ORAI2: variants seen among roughly 807,000 people sequenced by gnomAD.
ORAI2 encodes the protein ORAI calcium release-activated calcium modulator 2.
A neutral mutation model predicts 16.2 loss-of-function variants in ORAI2; 10 were observed. The ratio of observed to expected loss-of-function variants is 0.62; its 90% confidence interval spans 0.38 to 1.04. The LOEUF is 1.04. ORAI2 is among the 50% of genes least tolerant of loss of function. The pLI, the probability that ORAI2 is intolerant of heterozygous loss-of-function variation, is 0.01. For synonymous variants in ORAI2, 150 were observed against 157.5 expected (o/e 0.95, Z 0.35); for missense variants, 238 against 355.5 (o/e 0.67, Z 2.66).
chr7:102,436,378 A>G (rs1668275627), intron 2 of ORAI2, 45 bp downstream of exon 2: 1 of 983,078 alleles, frequency 1.0e-6, no homozygotes, highest in Non-Finnish European at 1.2e-6. Flanking sequence ...CTGTTCCCAG[A>G]GGTCTTGTTG....
At chr7:102,438,206 G>C (rs757984555) in intron 2 of ORAI2, among the ~76,000 whole-genome samples, 1 of 151,218 alleles carries the variant, frequency 6.6e-6, no homozygotes, top group African/African-American at 2.4e-5. Context: ...AAATTAGCCA[G>C]CTATGGTGGC....
At chr7:102,442,642 G>A (rs148582810) in intron 3 of ORAI2, among the ~76,000 whole-genome samples, 71 of 151,934 alleles carry the variant, frequency 4.7e-4, no homozygotes, top group African/African-American at 1.6e-3. Flanking sequence ...AGCCAAGATC[G>A]CTCTACTGCA....
At position 102,439,163 on chromosome 7, in the gene ORAI2, C is replaced by T. The variant is rs1460782447; in HGVS notation, c.207C>T (p.Leu69=). The change falls in exon 3 of 4, where the codon CTC becomes CTT. Residue 69 remains leucine (L), a synonymous_variant. Transcript: ENST00000495936. ...AGGCCTCCAGCAGGACCTCCGCCCT[C>T]CTCTCCGGCTTTGCCATGGTGAGTG... ...KLKASSRTSA[L]LSGFAMVAMV... is the part of the protein sequence containing the mutation. The T allele has an allele frequency of 5.0e-6, 8 of 1,613,646 alleles. No homozygotes were observed. Among genetic ancestry groups the T allele is most frequent in the African/African-American group, 1.3e-5 (1 of 74,948 alleles).
chr7:102,441,584 A>T (rs1365013203), intron 3 of ORAI2, among the ~76,000 whole-genome samples: 2 of 147,552 alleles, frequency 1.4e-5, no homozygotes, highest in African/African-American at 2.5e-5. Flanking sequence ...GGCTCTTGCT[A>T]TGTTGCCCAG....
At chr7:102,443,694 T>G (rs758816936) in intron 3 of ORAI2, among the ~76,000 whole-genome samples, 9 of 151,900 alleles carry the variant, frequency 5.9e-5, no homozygotes, top group Non-Finnish European at 1.2e-4. Flanking sequence ...TCTGGTCCAC[T>G]AGGACTGCCA....
intron 3 of ORAI2, among the ~76,000 whole-genome samples, chr7:102,445,042 C>T (rs1259426174): frequency 1.6e-5 from 1 of 64,096 alleles, no homozygotes; most frequent in Non-Finnish European, 2.7e-5. Context: ...CTGCTGTAGC[C>T]TCCGACTACG....
chr7:102,454,631 G>C lies in ORAI2; in HGVS notation c.*7579G>C, dbSNP rs1797601812. 6.6e-6 allele frequency: 1 copy of C among 152,544 alleles called. No individual in the cohort carries two copies. The highest frequency in any genetic ancestry group is 6.5e-5 in the Admixed American group (1 of 15,290). The allele number at this position is 152,544 out of a possible 1,614,324, so 9.4% of individuals were successfully genotyped here. A position where few individuals can be genotyped will look rare whatever the true frequency, so the allele number is the denominator to read the frequency against. On this transcript the variant is annotated 3_prime_UTR_variant, in exon 4 of 4. Coordinates refer to ENST00000495936, the MANE Select transcript of ORAI2 (RefSeq NM_001126340.3). ...TTTCTGAAGCGGCTGAGGGATGTCA[G>C]CTGAGCCCCCGCTGGGCCTGCTCTG...
chr7:102,444,171 G>T (rs913810389), intron 3 of ORAI2, among the ~76,000 whole-genome samples: 1 of 152,064 alleles, frequency 6.6e-6, no homozygotes, highest in East Asian at 1.9e-4. Context: ...CCAGGCTGGG[G>T]TGCAGTGGTA....
intron 2 of ORAI2, among the ~76,000 whole-genome samples, chr7:102,438,698 AGGAGCT>A (rs1467079472): frequency 1.3e-5 from 2 of 152,154 alleles, no homozygotes; most frequent in African/African-American, 2.4e-5. Flanking sequence ...GCTTGAACCT[AGGAGCT>A]GGAGTTTCCA....
At chr7:102,444,251 TTTTA>T (rs1312249280) in intron 3 of ORAI2, among the ~76,000 whole-genome samples, 1 of 151,792 alleles carries the variant, frequency 6.6e-6, no homozygotes, top group South Asian at 2.1e-4. Flanking sequence ...TTTTATTTTA[TTTTA>T]TTTATTTATT....
Position 102,446,806 on chromosome 7 carries a change from C to T in ORAI2, c.519C>T (p.Phe173=). The change falls in exon 4 of 4, where the codon TTC becomes TTT. Residue 173 remains phenylalanine, a synonymous_variant. Transcript: ENST00000495936. ...AEVVLLCWIK[F]LPVDARRQPG... Reference sequence around the variant, plus strand: ...TGGTGCTGCTCTGCTGGATCAAGTTCCTCCCCGTGGATGCCCGGCGCCAGC... The same window carrying T: ...TGGTGCTGCTCTGCTGGATCAAGTTTCTCCCCGTGGATGCCCGGCGCCAGC... 2.5e-6 allele frequency: 4 copies of T among 1,614,108 alleles called. No homozygotes were observed. Among genetic ancestry groups the T allele is most frequent in the Non-Finnish European group, 3.4e-6 (4 of 1,180,026 alleles).
rs1796989405 is a variant in ORAI2, at chr7:102,433,870, G to A, written c.-123+209G>A. On this transcript the variant is annotated intron_variant, in intron 1 of 3. Transcript: ENST00000495936. The surrounding 1 kb of genome is among the most constrained non-coding windows in gnomAD (Gnocchi z 4.6). ...AGGATCAGGGTCGGCGGCGCAGCCG[G>A]TTCCGGACACCGGGGCGTCCCTGGG... is the stretch of plus-strand genomic sequence containing the variant. Among the ~76,000 whole-genome samples, 1 of 151,982 alleles carries A rather than the reference G, an allele frequency of 6.6e-6. No individual in the cohort carries two copies. Among genetic ancestry groups the A allele is most frequent in the African/African-American group, 2.4e-5 (1 of 41,392 alleles).
chr7:102,444,507 C>G (rs564206040), intron 3 of ORAI2, among the ~76,000 whole-genome samples: 1,769 of 132,818 alleles, frequency 0.013, 44 homozygotes, highest in African/African-American at 0.049. Context: ...CCCCCCCCCG[C>G]CCCCCACCCT....
At chr7:102,445,949 C>T (rs66526712) in intron 3 of ORAI2, among the ~76,000 whole-genome samples, 42,016 of 147,048 alleles carry the variant, frequency 0.29, 6,293 homozygotes, top group East Asian at 0.43. Context: ...CTTTAACTTT[C>T]GTGGCTTGTT....
chr7:102,433,858 G>A lies in ORAI2; in HGVS notation c.-123+197G>A, dbSNP rs1586705013. Among the ~76,000 whole-genome samples the A allele has an allele frequency of 1.3e-5, 2 of 152,114 alleles. No homozygotes were observed. The highest frequency in any genetic ancestry group is 3.4e-3 in the Middle Eastern group (1 of 294). Reference sequence around the variant, plus strand: ...TGCGGCGCCCAGAGGATCAGGGTCGGCGGCGCAGCCGGTTCCGGACACCGG... The same window carrying A: ...TGCGGCGCCCAGAGGATCAGGGTCGACGGCGCAGCCGGTTCCGGACACCGG... On this transcript the variant is annotated intron_variant, in intron 1 of 3. Transcript: ENST00000495936. This position sits in a 1 kb window ranked among gnomAD's most constrained non-coding sequence, Gnocchi z 4.6.
rs1051237844 is a variant in ORAI2 at position 102,455,430 on chromosome 7, G to A, written c.*8378G>A. 2 of 152,268 alleles carry A rather than the reference G, an allele frequency of 1.3e-5. No homozygotes were observed. Among genetic ancestry groups the A allele is most frequent in the Non-Finnish European group, 2.9e-5 (2 of 68,084 alleles). The allele number at this position is 152,268 out of a possible 1,614,324, so 9.4% of individuals were successfully genotyped here. On this transcript the variant is annotated 3_prime_UTR_variant, in exon 4 of 4. Transcript: ENST00000495936. Reference sequence around the variant, plus strand: ...AATGGAGTTTCCTAAAGTGTGCTCTGCAGGAGTGCTGGAAGGGCCAGCATG... The same window carrying A: ...AATGGAGTTTCCTAAAGTGTGCTCTACAGGAGTGCTGGAAGGGCCAGCATG...
chr7:102,439,036 G>C lies in ORAI2; in HGVS notation c.80G>C (p.Arg27Pro). 1.2e-6 allele frequency: 2 copies of C among 1,613,988 alleles called. No homozygotes were observed. Among genetic ancestry groups the C allele is most frequent in the Non-Finnish European group, 1.7e-6 (2 of 1,180,032 alleles). Residue 27 changes from arginine (R) to proline (P), a missense_variant, in exon 3 of 4, where the codon CGG becomes CCG. Physicochemically the swap from Arg to Pro is moderately radical, Grantham distance 103. This residue lies in a region of ORAI2 where 61 missense variants were observed against 72.7 expected (regional missense o/e 0.84). Coordinates refer to ENST00000495936, the MANE Select transcript of ORAI2 (RefSeq NM_001126340.3). The part of the protein sequence containing the change: ...PEPGHKGMDY[R>P]DWVRRSYLEL... ...CCCGGCCATAAGGGCATGGATTACCGGGACTGGGTCCGCCGCAGCTACCTG... is the reference window on the plus strand; with the variant it reads ...CCCGGCCATAAGGGCATGGATTACCCGGACTGGGTCCGCCGCAGCTACCTG...
intron 1 of ORAI2, among the ~76,000 whole-genome samples, chr7:102,435,001 G>A (rs1413300110): frequency 6.6e-6 from 1 of 152,198 alleles, no homozygotes; most frequent in East Asian, 1.9e-4. Flanking sequence ...CAGGCGCAGT[G>A]GTTCATGCCT....
rs921536822 is a variant in ORAI2, at chr7:102,447,170, T to C, written c.*118T>C. 9.0e-7 allele frequency: 1 copy of C among 1,107,484 alleles called. No individual in the cohort carries two copies. Among genetic ancestry groups the C allele is most frequent in the African/African-American group, 1.6e-5 (1 of 63,564 alleles). The allele number at this position is 1,107,484 out of a possible 1,614,324, so 68.6% of individuals were successfully genotyped here. ...GTAGTTCAAGACCAAAGTTTTCCTC[T>C]TGTCTTAATACCATAAGGACTGGAT... On this transcript the variant is annotated 3_prime_UTR_variant, in exon 4 of 4. Transcript: ENST00000495936.
Sources: allele counts gnomAD v4.1 joint callset (sites outside exome capture counted in the v4.1 genomes callset), GRCh38; gene constraint gnomAD v4.1.1; regional missense constraint gnomAD v4.1.1; non-coding constraint Gnocchi (gnomAD v3.1); transcripts MANE v1.5; gene names NCBI Gene and HGNC (gene_info 2026-07-23, HGNC 2026-07-21).